AGO2: variants seen among roughly 807,000 people sequenced by gnomAD.
AGO2 encodes the protein argonaute RISC catalytic component 2, also known as protein argonaute-2.
Under a neutral mutation model 102.3 loss-of-function variants are expected in AGO2, and 5 were observed. The observed-to-expected ratio is 0.05, with a 90% confidence interval of 0.03 to 0.10. The LOEUF is 0.10. AGO2 is among the 10% of genes least tolerant of loss of function. AGO2 has a pLI of 1.00. For synonymous variants in AGO2, 449 were observed against 473.1 expected (o/e 0.95, Z 0.66); for missense variants, 541 against 1,183.7 (o/e 0.46, Z 7.97).
Position 140,557,348 on chromosome 8 carries a change from A to G in AGO2, c.879-112T>C. On this transcript the variant is annotated intron_variant, in intron 7 of 18. Coordinates refer to ENST00000220592, the MANE Select transcript of AGO2 (RefSeq NM_012154.5). The surrounding 1 kb of genome is among the most constrained non-coding windows in gnomAD (Gnocchi z 5.9). ...TGACGTGTGAGGAGCAAACATTCAGAGCACTTCCGGGAGTGAAAACCATGT... is the reference window on the plus strand; with the variant it reads ...TGACGTGTGAGGAGCAAACATTCAGGGCACTTCCGGGAGTGAAAACCATGT... 1 of 1,327,290 alleles carries G rather than the reference A, an allele frequency of 7.5e-7. No homozygotes were observed. 82.2% of individuals were successfully genotyped at this position (1,327,290 alleles called of 1,614,324 possible).
chr8:140,616,281 T>G (rs1278729992), intron 1 of AGO2, among the ~76,000 whole-genome samples: 1 of 152,182 alleles, frequency 6.6e-6, no homozygotes, highest in Non-Finnish European at 1.5e-5. Context: ...AAAGGACCGA[T>G]GACAGCCCCG....
At position 140,530,926 on chromosome 8, in the gene AGO2, AG is replaced by A. The variant is rs1348003727; in HGVS notation, c.*1117del. On this transcript the variant is annotated 3_prime_UTR_variant, in exon 19 of 19. Transcript: ENST00000220592. ...GACACACGGGGATGAGGCGGCAGGG[AG>A]GGTGGCGAGCGGCGCGGAGGGCACA... 1 of 152,340 alleles carries A rather than the reference AG, an allele frequency of 6.6e-6. No homozygotes were observed. The highest frequency in any genetic ancestry group is 6.5e-5 in the Admixed American group (1 of 15,282). The allele number at this position is 152,340 out of a possible 1,614,324, so 9.4% of individuals were successfully genotyped here. A position where few individuals can be genotyped will look rare whatever the true frequency, so the allele number is the denominator to read the frequency against.
chr8:140,617,103 AC>A (rs1376348674), intron 1 of AGO2, among the ~76,000 whole-genome samples: 1 of 152,174 alleles, frequency 6.6e-6, no homozygotes, highest in Non-Finnish European at 1.5e-5. Flanking sequence ...ACCTTGTCAG[AC>A]CCTGTAAGGA....
Position 140,539,295 on chromosome 8 carries a change from T to C in AGO2, c.2169+25A>G, listed in dbSNP as rs2072752038. ...GGGCTGAGGGGAGAACCGTGCCCCC[T>C]GCCTGGAGTCATGCAGAAACTCACC... On this transcript the variant is annotated intron_variant, in intron 16 of 18. Transcript: ENST00000220592. The surrounding 1 kb of genome is among the most constrained non-coding windows in gnomAD (Gnocchi z 4.7). 6.3e-7 allele frequency: 1 copy of C among 1,585,294 alleles called. No homozygotes were observed. Among genetic ancestry groups the C allele is most frequent in the Non-Finnish European group, 8.6e-7 (1 of 1,163,242 alleles).
rs2072782500 is a variant in AGO2 at position 140,540,770 on chromosome 8, C to CGTCCCCA, written c.2034+387_2034+393dup. 6.6e-6 allele frequency among the ~76,000 whole-genome samples: 1 copy of CGTCCCCA among 152,310 alleles called. No homozygotes were observed. The highest frequency in any genetic ancestry group is 1.9e-4 in the East Asian group (1 of 5,170). On this transcript the variant is annotated intron_variant, in intron 15 of 18. Transcript: ENST00000220592. This position sits in a 1 kb window ranked among gnomAD's most constrained non-coding sequence, Gnocchi z 5.0. ...CCACACCTCTCACACTGCAGACAGG[C>CGTCCCCA]GTCCCCAGACGCAATGAGCTCCCCG...
intron 2 of AGO2, among the ~76,000 whole-genome samples, chr8:140,580,131 A>G (rs2073532561): frequency 6.6e-6 from 1 of 152,072 alleles, no homozygotes; most frequent in Admixed American, 6.5e-5. Flanking sequence ...CTGGCTCAAG[A>G]CTGGCTGTGT....
At chr8:140,544,402 A>G in intron 13 of AGO2, 99 bp from the exon 14 acceptor site, 3 of 932,126 alleles carry the variant, frequency 3.2e-6, no homozygotes, top group Non-Finnish European at 4.8e-6. Flanking sequence ...TCAGTGTATC[A>G]TGGTAATGCT....
Position 140,589,002 on chromosome 8 carries a change from T to C in AGO2, c.23-3691A>G, listed in dbSNP as rs898240382. Reference sequence around the variant, plus strand: ...GTAATCGGCTTCCTGTGTGAGCAACTGGGTCACAGGGAACAAAAAATTTCA... The same window carrying C: ...GTAATCGGCTTCCTGTGTGAGCAACCGGGTCACAGGGAACAAAAAATTTCA... On this transcript the variant is annotated intron_variant, in intron 1 of 18. Coordinates refer to ENST00000220592, the MANE Select transcript of AGO2 (RefSeq NM_012154.5). The surrounding 1 kb of genome is among the most constrained non-coding windows in gnomAD (Gnocchi z 4.2). 2.0e-5 allele frequency among the ~76,000 whole-genome samples: 3 copies of C among 152,218 alleles called. No homozygotes were observed. The highest frequency in any genetic ancestry group is 2.9e-5 in the Non-Finnish European group (2 of 68,046).
At chr8:140,565,993 G>A (rs1226858727) in intron 3 of AGO2, among the ~76,000 whole-genome samples, 1 of 151,458 alleles carries the variant, frequency 6.6e-6, no homozygotes, top group African/African-American at 2.4e-5. Flanking sequence ...AGCTGTGATT[G>A]TGCCATTGCT....
chr8:140,602,085 T>C (rs2073941711), intron 1 of AGO2, among the ~76,000 whole-genome samples: 1 of 152,244 alleles, frequency 6.6e-6, no homozygotes. Flanking sequence ...TTGCATGTAT[T>C]TGTTTTAAGA....
chr8:140,555,693 A>G (rs1324521417), intron 10 of AGO2: 2 of 700,642 alleles, frequency 2.9e-6, no homozygotes, highest in Non-Finnish European at 4.5e-6. Context: ...AACATTAAGG[A>G]TAATTCTGAA....
intron 3 of AGO2, among the ~76,000 whole-genome samples, chr8:140,568,585 G>A (rs552558728): frequency 2.0e-5 from 3 of 152,318 alleles, no homozygotes; most frequent in South Asian, 2.1e-4. Flanking sequence ...GCCAGGCTGC[G>A]TGCCACATGC....
At position 140,523,452 on chromosome 8, in the gene AGO2, T is replaced by G. The variant is rs2072448465; in HGVS notation, c.*8592A>C. ...AAAACTAAGGGTTAAAAGCCCTCAATATGTATTAGGTAAGTAATCTGAAGT... is the reference window on the plus strand; with the variant it reads ...AAAACTAAGGGTTAAAAGCCCTCAAGATGTATTAGGTAAGTAATCTGAAGT... On this transcript the variant is annotated 3_prime_UTR_variant, in exon 19 of 19. Transcript: ENST00000220592. 1 of 152,066 alleles carries G rather than the reference T, an allele frequency of 6.6e-6. No homozygotes were observed. Among genetic ancestry groups the G allele is most frequent in the South Asian group, 2.1e-4 (1 of 4,820 alleles). 9.4% of individuals were successfully genotyped at this position (152,066 alleles called of 1,614,324 possible).
intron 1 of AGO2, among the ~76,000 whole-genome samples, chr8:140,611,119 T>C (rs1402939310): frequency 3.3e-5 from 5 of 152,140 alleles, no homozygotes; most frequent in Admixed American, 3.3e-4. Flanking sequence ...CGGCTTGTGT[T>C]TTCCCTGTGC....
chr8:140,526,905 T>C lies in AGO2; in HGVS notation c.*5139A>G, dbSNP rs2072516374. The C allele has an allele frequency of 6.6e-6, 1 of 152,212 alleles. No homozygotes were observed. Among genetic ancestry groups the C allele is most frequent in the Admixed American group, 6.5e-5 (1 of 15,274 alleles). 9.4% of individuals were successfully genotyped at this position (152,212 alleles called of 1,614,324 possible). A position where few individuals can be genotyped will look rare whatever the true frequency, so the allele number is the denominator to read the frequency against. On this transcript the variant is annotated 3_prime_UTR_variant, in exon 19 of 19. Coordinates refer to ENST00000220592, the MANE Select transcript of AGO2 (RefSeq NM_012154.5). This position sits in a 1 kb window ranked among gnomAD's most constrained non-coding sequence, Gnocchi z 5.2. Reference sequence around the variant, plus strand: ...ACACGGGGGCTACAGCACACGCTGCTACTCCAGCAAAATAACGGGCACAAA... The same window carrying C: ...ACACGGGGGCTACAGCACACGCTGCCACTCCAGCAAAATAACGGGCACAAA...
rs941317510 is a variant in AGO2, at chr8:140,557,049, T to C, written c.1026+40A>G. On this transcript the variant is annotated intron_variant, in intron 8 of 18. Coordinates refer to ENST00000220592, the MANE Select transcript of AGO2 (RefSeq NM_012154.5). This position sits in a 1 kb window ranked among gnomAD's most constrained non-coding sequence, Gnocchi z 5.9. The stretch of plus-strand genomic sequence containing the variant: ...CATGCCCCAGCCTGGGACGCCGCCC[T>C]CCCAAGCCCCCAGAGACACACAGGA... 2 of 1,583,006 alleles carry C rather than the reference T, an allele frequency of 1.3e-6. No homozygotes were observed. The highest frequency in any genetic ancestry group is 1.7e-6 in the Non-Finnish European group (2 of 1,162,164).
chr8:140,641,984 G>C, the AGO2 span, among the ~76,000 whole-genome samples: 1 of 152,050 alleles, frequency 6.6e-6, no homozygotes, highest in Non-Finnish European at 1.5e-5. Context: ...CAAGGCAGCA[G>C]TGAACTGTGA....
intron 1 of AGO2, among the ~76,000 whole-genome samples, chr8:140,587,919 C>A (rs1182091535): frequency 6.6e-6 from 1 of 152,228 alleles, no homozygotes; most frequent in South Asian, 2.1e-4. Context: ...CTGGCTCCCA[C>A]TGCCTGTCCA....
intron 16 of AGO2, 71 bp from the exon 17 acceptor site, chr8:140,535,640 C>T (rs907882212): frequency 1.2e-5 from 18 of 1,456,692 alleles, no homozygotes; most frequent in African/African-American, 5.6e-5. Flanking sequence ...GCCAGGCAGC[C>T]GCGCCGCCCG....
Sources: allele counts gnomAD v4.1 joint callset (sites outside exome capture counted in the v4.1 genomes callset), GRCh38; gene constraint gnomAD v4.1.1; non-coding constraint Gnocchi (gnomAD v3.1); transcripts MANE v1.5; gene names NCBI Gene and HGNC (gene_info 2026-07-23, HGNC 2026-07-21).